The following L3MBTL3 variants were observed in gnomAD, a reference collection of about 807,000 sequenced individuals.
The protein encoded by L3MBTL3 is L3MBTL histone methyl-lysine binding protein 3, also known as lethal(3)malignant brain tumor-like protein 3.
L3MBTL3 carries 27 observed loss-of-function variants against 102.3 expected under a neutral mutation model. The ratio of observed to expected loss-of-function variants is 0.26; its 90% CI spans 0.19 to 0.36. L3MBTL3 has a LOEUF of 0.36. L3MBTL3 is among the 10% of genes least tolerant of loss of function. The probability of loss-of-function intolerance (pLI) is 1.00; values close to 1 mark genes in which losing one functional copy is unlikely to be tolerated. For synonymous variants in L3MBTL3, 340 were observed against 320.9 expected (o/e 1.06, Z -0.64); for missense variants, 798 against 955.3 (o/e 0.84, Z 2.17).
chr6:130,138,370 T>A (rs1459844986), intron 22 of L3MBTL3: 1 of 152,284 alleles, frequency 6.6e-6, no homozygotes, highest in Admixed American at 6.5e-5. Context: ...TCCCGAGGGC[T>A]GTGAGGAAAG....
chr6:130,055,435 A>G (rs1584334245), intron 8 of L3MBTL3, among the ~76,000 whole-genome samples, 180 bp downstream of exon 8: 1 of 152,012 alleles, frequency 6.6e-6, no homozygotes, highest in Non-Finnish European at 1.5e-5. Flanking sequence ...TTAACTTTCA[A>G]GTGGTTTCAG....
chr6:130,094,221 G>T (rs1324597788), intron 17 of L3MBTL3, 44 bp from the exon 18 acceptor site: 1 of 1,458,994 alleles, frequency 6.9e-7, no homozygotes. Flanking sequence ...ACAGATTTTT[G>T]CTTAATATTT....
At chr6:130,079,624 C>T (rs1448533749) in intron 14 of L3MBTL3, among the ~76,000 whole-genome samples, 2 of 152,086 alleles carry the variant, frequency 1.3e-5, no homozygotes, top group East Asian at 1.9e-4. Context: ...TGAAGATTGC[C>T]TTTATTACAG....
chr6:130,068,433 C>G lies in L3MBTL3; in HGVS notation c.1092+12C>G, dbSNP rs750766508. ...AAAATCAGAATATAGTAAGTACATACGAAACACGTTTTCTTTCAAAGGAAG... is the reference window on the plus strand; with the variant it reads ...AAAATCAGAATATAGTAAGTACATAGGAAACACGTTTTCTTTCAAAGGAAG... On this transcript the variant is annotated intron_variant, in intron 12 of 22. Coordinates refer to ENST00000361794, the MANE Select transcript of L3MBTL3 (RefSeq NM_032438.4). The G allele has an allele frequency of 4.9e-6, 7 of 1,434,478 alleles. No homozygotes were observed. Among genetic ancestry groups the G allele is most frequent in the Admixed American group, 3.4e-5 (2 of 59,074 alleles). The allele number at this position is 1,434,478 out of a possible 1,614,324, so 88.9% of individuals were successfully genotyped here. A position where few individuals can be genotyped will look rare whatever the true frequency, so the allele number is the denominator to read the frequency against.
At chr6:130,086,924 CA>C (rs765033056) in intron 16 of L3MBTL3, among the ~76,000 whole-genome samples, 21 of 152,164 alleles carry the variant, frequency 1.4e-4, no homozygotes, top group Non-Finnish European at 3.1e-4. Flanking sequence ...ATAGTTATAA[CA>C]GCAAGACATT....
chr6:130,106,545 G>T (rs990106179), intron 19 of L3MBTL3, among the ~76,000 whole-genome samples: 1 of 152,038 alleles, frequency 6.6e-6, no homozygotes, highest in East Asian at 1.9e-4. Context: ...CCCTTTTTGC[G>T]GCCCTGGGAA....
At chr6:130,070,944 T>C in intron 12 of L3MBTL3, 32 bp from the exon 13 acceptor site, 1 of 1,601,758 alleles carries the variant, frequency 6.2e-7, no homozygotes, top group Non-Finnish European at 8.5e-7. Flanking sequence ...AAGTGTGTGC[T>C]TATCTCTAAT....
At chr6:130,021,241 T>C (rs2114412102) in intron 1 of L3MBTL3, among the ~76,000 whole-genome samples, 1 of 152,198 alleles carries the variant, frequency 6.6e-6, no homozygotes, top group East Asian at 1.9e-4. Flanking sequence ...GAACGCGTCT[T>C]TTAAGTTCGG....
At chr6:130,117,533 T>C (rs958172108) in intron 19 of L3MBTL3, among the ~76,000 whole-genome samples, 2 of 152,176 alleles carry the variant, frequency 1.3e-5, no homozygotes, top group Non-Finnish European at 2.9e-5. Context: ...TGGAAGACTA[T>C]GTAGCTAAAA....
intron 16 of L3MBTL3, among the ~76,000 whole-genome samples, chr6:130,090,094 T>G (rs1783947224): frequency 6.6e-6 from 1 of 152,196 alleles, no homozygotes. Flanking sequence ...TCTCTTATCT[T>G]GCTGACACAC....
At chr6:130,036,580 T>C (rs1000829904) in intron 2 of L3MBTL3, among the ~76,000 whole-genome samples, 3 of 152,200 alleles carry the variant, frequency 2.0e-5, no homozygotes, top group African/African-American at 7.2e-5. Context: ...AGTACTAGCT[T>C]TTAGATATCT....
intron 18 of L3MBTL3, among the ~76,000 whole-genome samples, chr6:130,096,139 A>C (rs1396592208): frequency 6.6e-6 from 1 of 152,138 alleles, no homozygotes; most frequent in Non-Finnish European, 1.5e-5. Context: ...TGGTGAGGCC[A>C]CGGGGGGTAC....
intron 2 of L3MBTL3, among the ~76,000 whole-genome samples, chr6:130,023,356 T>G (rs1779130891): frequency 6.6e-6 from 1 of 152,196 alleles, no homozygotes; most frequent in Non-Finnish European, 1.5e-5. Context: ...CATGTGGATA[T>G]GCAGCAGAGA....
chr6:130,117,528 G>A (rs577281160), intron 19 of L3MBTL3, among the ~76,000 whole-genome samples: 9 of 152,216 alleles, frequency 5.9e-5, no homozygotes, highest in African/African-American at 1.9e-4. Flanking sequence ...GTAATTGGAA[G>A]ACTATGTAGC....
chr6:130,055,102 A>G, intron 7 of L3MBTL3, 69 bp from the exon 8 acceptor site: 2 of 1,103,176 alleles, frequency 1.8e-6, no homozygotes, highest in South Asian at 1.3e-5. Flanking sequence ...GCTTTCTGAT[A>G]GCTCTCTAAC....
At chr6:130,049,243 C>A in intron 3 of L3MBTL3, 39 bp from the exon 4 acceptor site, 1 of 1,128,292 alleles carries the variant, frequency 8.9e-7, no homozygotes, top group Non-Finnish European at 1.3e-6. Context: ...CTTTCCTGAG[C>A]ACTTTTTAAA....
At chr6:130,115,228 G>A (rs533362241) in intron 19 of L3MBTL3, among the ~76,000 whole-genome samples, 53 of 152,270 alleles carry the variant, frequency 3.5e-4, no homozygotes, top group South Asian at 8.3e-4. Flanking sequence ...GAAGGGTGGC[G>A]TTATTTTAAA....
chr6:130,046,694 G>C (rs1780743114), intron 3 of L3MBTL3, among the ~76,000 whole-genome samples: 1 of 136,600 alleles, frequency 7.3e-6, no homozygotes, highest in Non-Finnish European at 1.7e-5. Context: ...CTTGGTTGTA[G>C]AGTGGAGCCA....
At chr6:130,111,643 A>T (rs1291182881) in intron 19 of L3MBTL3, among the ~76,000 whole-genome samples, 1 of 152,204 alleles carries the variant, frequency 6.6e-6, no homozygotes, top group Non-Finnish European at 1.5e-5. Flanking sequence ...TTTTCCTGTC[A>T]TAACATTATT....
Sources: allele counts gnomAD v4.1 joint callset (sites outside exome capture counted in the v4.1 genomes callset), GRCh38; gene constraint gnomAD v4.1.1; transcripts MANE v1.5; gene names NCBI Gene and HGNC (gene_info 2026-07-23, HGNC 2026-07-21).